The following PTK2 variants were observed in gnomAD, a reference collection of about 807,000 sequenced individuals.
PTK2 encodes the protein focal adhesion kinase 1.
Under a neutral mutation model 150.1 loss-of-function variants are expected in PTK2, and 45 were observed. That is an observed-to-expected ratio of 0.30 (90% CI 0.24 to 0.38). The LOEUF is 0.38. PTK2 is among the 10% of genes least tolerant of loss of function. PTK2 has a pLI of 1.00. For missense variants in PTK2, 919 were observed against 1,307.3 expected (o/e 0.70, Z 4.58); for synonymous variants, 432 against 449.2 (o/e 0.96, Z 0.48).
intron 14 of PTK2, chr8:140,764,550 G>C (rs1471469900): frequency 2.1e-6 from 1 of 485,470 alleles, no homozygotes. Context: ...GTAAAAAACA[G>C]AACGACATGA....
At chr8:140,885,551 G>A (rs1296359282) in intron 3 of PTK2, among the ~76,000 whole-genome samples, 2 of 152,194 alleles carry the variant, frequency 1.3e-5, no homozygotes, top group East Asian at 1.9e-4. Context: ...CAGAAAAACA[G>A]CAATGGTGAG....
At chr8:140,962,456 T>A (rs1327833920) in intron 1 of PTK2, among the ~76,000 whole-genome samples, 4 of 152,114 alleles carry the variant, frequency 2.6e-5, no homozygotes, top group African/African-American at 4.8e-5. Flanking sequence ...CTATGCCTAC[T>A]ACAAACACAC....
intron 8 of PTK2, among the ~76,000 whole-genome samples, chr8:140,825,878 T>C (rs1417811862): frequency 2.0e-5 from 3 of 152,254 alleles, no homozygotes; most frequent in African/African-American, 4.8e-5. Context: ...ACTGGTACAG[T>C]GAATTTTTAA....
intron 3 of PTK2, among the ~76,000 whole-genome samples, chr8:140,888,534 C>A (rs1270458732): frequency 6.6e-6 from 1 of 152,200 alleles, no homozygotes; most frequent in African/African-American, 2.4e-5. Context: ...TTGATCTTCA[C>A]AAGTTTGCTA....
chr8:140,914,685 G>A (rs1200285054), intron 2 of PTK2, among the ~76,000 whole-genome samples: 1 of 151,552 alleles, frequency 6.6e-6, no homozygotes, highest in African/African-American at 2.4e-5. Flanking sequence ...TGCTTCTAAC[G>A]ACTGAAACCT....
intron 1 of PTK2, among the ~76,000 whole-genome samples, chr8:140,978,439 A>C (rs1040275721): frequency 3.9e-5 from 6 of 152,260 alleles, no homozygotes; most frequent in Non-Finnish European, 8.8e-5. Flanking sequence ...CCCCATCAAC[A>C]AGTGGGCAAA....
intron 10 of PTK2, among the ~76,000 whole-genome samples, chr8:140,805,922 T>A (rs1463338744): frequency 2.0e-5 from 3 of 152,212 alleles, no homozygotes; most frequent in Non-Finnish European, 4.4e-5. Context: ...GAGCAAACTG[T>A]CTACATGATT....
At chr8:140,934,043 AAAC>A (rs1436240352) in intron 1 of PTK2, among the ~76,000 whole-genome samples, 10 of 152,210 alleles carry the variant, frequency 6.6e-5, no homozygotes, top group African/African-American at 9.6e-5. Flanking sequence ...TGGTATTCAG[AAAC>A]AACAAGTTCT....
rs945405230 is a variant in PTK2 at position 140,662,526 on chromosome 8, G to A, written c.2946+2391C>T. ...GCTTGTCATGGAAAGCCAGAGGCCCGGTGAAGCAGGTAAGTGAGAGAACCC... is the reference window on the plus strand; with the variant it reads ...GCTTGTCATGGAAAGCCAGAGGCCCAGTGAAGCAGGTAAGTGAGAGAACCC... On this transcript the variant is annotated intron_variant, in intron 31 of 31. Coordinates refer to ENST00000522684, the Ensembl canonical transcript of PTK2. 2.3e-5 allele frequency: 9 copies of A among 399,740 alleles called. No homozygotes were observed. In the Middle Eastern group the frequency reaches 1.9e-3, roughly 83 times the overall value. The allele number at this position is 399,740 out of a possible 1,614,324, so 24.8% of individuals were successfully genotyped here. A position where few individuals can be genotyped will look rare whatever the true frequency, so the allele number is the denominator to read the frequency against.
chr8:140,802,482 G>A (rs1329959018), intron 11 of PTK2, among the ~76,000 whole-genome samples: 1 of 152,116 alleles, frequency 6.6e-6, no homozygotes, highest in Non-Finnish European at 1.5e-5. Flanking sequence ...AAAAGTTACT[G>A]TAAGCTAATG....
intron 2 of PTK2, among the ~76,000 whole-genome samples, chr8:140,915,940 C>T (rs949807016): frequency 6.6e-6 from 1 of 151,616 alleles, no homozygotes; most frequent in East Asian, 1.9e-4. Context: ...AACAAGAAAC[C>T]TATCCACTGA....
At chr8:140,762,276 A>T (rs2100069825) in intron 15 of PTK2, 92 bp downstream of exon 18, 4 of 674,612 alleles carry the variant, frequency 5.9e-6, no homozygotes, top group Non-Finnish European at 7.6e-6. Flanking sequence ...CAAATAGTTT[A>T]AAAATAAGTT....
chr8:140,855,658 A>C (rs1473414789), intron 5 of PTK2, among the ~76,000 whole-genome samples: 1 of 152,178 alleles, frequency 6.6e-6, no homozygotes, highest in Non-Finnish European at 1.5e-5. Context: ...CCACAGACTC[A>C]GAGAAAATAC....
rs955921519 is a variant in PTK2 at position 140,884,320 on chromosome 8, G to A, written c.196-4683C>T. On this transcript the variant is annotated intron_variant, in intron 3 of 31. Coordinates refer to ENST00000522684, the Ensembl canonical transcript of PTK2. ...TTCTCCTCTTTAACATGGCTTTTAT[G>A]CTTTTTCTTAAAGCTTTCCTTTCTA... Among the ~76,000 whole-genome samples the A allele has an allele frequency of 2.0e-4, 30 of 151,890 alleles. 1 individual carries two copies. The highest frequency in any genetic ancestry group is 6.5e-4 in the African/African-American group (27 of 41,336).
chr8:140,695,908 A>G (rs1321899602), intron 26 of PTK2, among the ~76,000 whole-genome samples: 1 of 152,120 alleles, frequency 6.6e-6, no homozygotes, highest in Non-Finnish European at 1.5e-5. Flanking sequence ...ACTTTTATGT[A>G]TATTAAATTT....
At chr8:140,874,527 A>G (rs1005260780) in intron 4 of PTK2, among the ~76,000 whole-genome samples, 13 of 152,182 alleles carry the variant, frequency 8.5e-5, no homozygotes, top group African/African-American at 2.4e-4. Flanking sequence ...TTGTATTTAC[A>G]TATCTAATAC....
At position 140,735,538 on chromosome 8, in the gene PTK2, G is replaced by A; in HGVS notation, c.1826-83C>T. On this transcript the variant is annotated intron_variant, in intron 21 of 31. Coordinates refer to ENST00000522684, the Ensembl canonical transcript of PTK2. Reference sequence around the variant, plus strand: ...GGTTCCAGGAACATTGTTCTTCTAGGCACTCGAGTACCAGCTGGGAGGTAA... The same window carrying A: ...GGTTCCAGGAACATTGTTCTTCTAGACACTCGAGTACCAGCTGGGAGGTAA... The A allele has an allele frequency of 2.9e-6, 4 of 1,388,024 alleles. No individual in the cohort carries two copies. The South Asian group carries it at 3.5e-5, about 12-fold the overall frequency. 86.0% of individuals were successfully genotyped at this position (1,388,024 alleles called of 1,614,324 possible).
intron 1 of PTK2, among the ~76,000 whole-genome samples, chr8:140,938,172 T>A (rs896751979): frequency 2.0e-5 from 3 of 152,170 alleles, no homozygotes; most frequent in African/African-American, 7.2e-5. Flanking sequence ...AGTCCACTAG[T>A]GTAGGGCTGT....
rs1406170226 is a variant in PTK2 at position 140,664,898 on chromosome 8, G to A, written c.2946+19C>T. ...CCAGTGCTGTCACAGAGGGCTGCAA[G>A]GGGAAGATTGTGCCCTACCTCTCGG... On this transcript the variant is annotated intron_variant, in intron 31 of 31. Transcript: ENST00000522684. 2 of 1,610,052 alleles carry A rather than the reference G, an allele frequency of 1.2e-6. No homozygotes were observed. The highest frequency in any genetic ancestry group is 8.5e-7 in the Non-Finnish European group (1 of 1,177,628).
Sources: gnomAD v4.1 joint callset for allele counts (sites outside exome capture counted in the v4.1 genomes callset) on GRCh38, gnomAD v4.1.1 for gene constraint, MANE v1.5 for transcripts, NCBI Gene and HGNC (gene_info 2026-07-23, HGNC 2026-07-21) for gene names.